LDLRAD3: variants seen among roughly 807,000 people sequenced by gnomAD.
The protein encoded by LDLRAD3 is low density lipoprotein receptor class A domain containing 3, also known as low-density lipoprotein receptor class A domain-containing protein 3.
LDLRAD3 carries 20 observed loss-of-function variants against 29.4 expected under a neutral mutation model. The ratio of observed to expected loss-of-function variants is 0.68; its 90% confidence interval spans 0.48 to 0.99. LDLRAD3 has a LOEUF of 0.99. Ranked by LOEUF, LDLRAD3 falls within the 50% of genes least tolerant of loss-of-function variation. The pLI, the probability that LDLRAD3 is intolerant of heterozygous loss-of-function variation, is 0.00. For synonymous variants in LDLRAD3, 157 were observed against 192.7 expected (o/e 0.81, Z 1.53); for missense variants, 420 against 454.3 (o/e 0.92, Z 0.69).
At chr11:36,209,453 G>C (rs143113780) in intron 4 of LDLRAD3, among the ~76,000 whole-genome samples, 17,695 of 147,640 alleles carry the variant, frequency 0.12, 1,209 homozygotes, top group Admixed American at 0.22. Flanking sequence ...TTCGCCTCCC[G>C]GGTTCAAGCA....
chr11:36,208,530 G>A (rs1005688911), intron 4 of LDLRAD3, among the ~76,000 whole-genome samples: 1 of 152,204 alleles, frequency 6.6e-6, no homozygotes, highest in Non-Finnish European at 1.5e-5. Context: ...TTCCTGAGGA[G>A]AGAGCCTTCC....
intron 4 of LDLRAD3, among the ~76,000 whole-genome samples, chr11:36,143,399 A>C (rs1276554373): frequency 6.6e-6 from 1 of 151,964 alleles, no homozygotes; most frequent in East Asian, 1.9e-4. Flanking sequence ...GGCTTTGACC[A>C]CTCTCTTTCT....
intron 2 of LDLRAD3, among the ~76,000 whole-genome samples, chr11:36,049,225 C>G (rs1450920034): frequency 1.3e-5 from 2 of 152,162 alleles, no homozygotes; most frequent in African/African-American, 4.8e-5. Context: ...AAAAAATTTT[C>G]TCCTGGCACA....
intron 4 of LDLRAD3, among the ~76,000 whole-genome samples, chr11:36,186,422 C>T (rs1854850049): frequency 6.6e-6 from 1 of 152,130 alleles, no homozygotes; most frequent in Admixed American, 6.5e-5. Flanking sequence ...TAACAGCTCC[C>T]ATTTTGAAAG....
chr11:35,955,564 G>T (rs1435772412), intron 1 of LDLRAD3, among the ~76,000 whole-genome samples: 1 of 152,086 alleles, frequency 6.6e-6, no homozygotes, highest in Non-Finnish European at 1.5e-5. Flanking sequence ...ATTATGTAAG[G>T]ACTACTTTTA....
intron 1 of LDLRAD3, among the ~76,000 whole-genome samples, chr11:35,976,784 AAG>A (rs779351610): frequency 6.6e-6 from 1 of 152,118 alleles, no homozygotes; most frequent in Non-Finnish European, 1.5e-5. Context: ...CCATTTTCAA[AAG>A]AGTCTATTTT....
rs929803884 is a variant in LDLRAD3, at chr11:36,110,853, A to G, written c.454+12392A>G. Among the ~76,000 whole-genome samples the G allele has an allele frequency of 2.0e-5, 3 of 152,312 alleles. No individual in the cohort carries two copies. The East Asian group carries it at 5.8e-4, about 29-fold the overall frequency. ...GAGCTTGAGGCTGGCAAGGAGTGAC[A>G]GTTTTTCCTAGGGGGATATGGCAAG... On this transcript the variant is annotated intron_variant, in intron 4 of 5. Coordinates refer to ENST00000315571, the MANE Select transcript of LDLRAD3 (RefSeq NM_174902.4).
chr11:35,977,870 C>A (rs1851494787), intron 1 of LDLRAD3, among the ~76,000 whole-genome samples: 1 of 152,162 alleles, frequency 6.6e-6, no homozygotes, highest in South Asian at 2.1e-4. Context: ...CTGAAGGCCC[C>A]ATCTCTTAAC....
intron 1 of LDLRAD3, among the ~76,000 whole-genome samples, chr11:35,969,515 G>A (rs7102966): frequency 0.34 from 51,631 of 152,158 alleles, 9,316 homozygotes; most frequent in East Asian, 0.55. Flanking sequence ...GGTTTCCACC[G>A]AGCAGAGAAT....
intron 4 of LDLRAD3, among the ~76,000 whole-genome samples, chr11:36,108,857 C>G (rs541113215): frequency 9.9e-5 from 15 of 152,166 alleles, no homozygotes; most frequent in Non-Finnish European, 2.1e-4. Context: ...CAGTATAGAA[C>G]TGGGTTCAAT....
intron 1 of LDLRAD3, among the ~76,000 whole-genome samples, chr11:35,988,515 G>A (rs1262635210): frequency 1.3e-5 from 2 of 152,136 alleles, no homozygotes; most frequent in Non-Finnish European, 2.9e-5. Flanking sequence ...CATTCTATAG[G>A]TTGTTTACTC....
chr11:36,214,292 G>A (rs961602756), intron 4 of LDLRAD3, among the ~76,000 whole-genome samples: 6 of 152,128 alleles, frequency 3.9e-5, no homozygotes, highest in Non-Finnish European at 7.3e-5. Context: ...GTGAGTGGGG[G>A]CAGACCCAGG....
intron 1 of LDLRAD3, chr11:35,967,768 T>C: frequency 2.1e-6 from 1 of 469,810 alleles, no homozygotes; most frequent in Non-Finnish European, 4.3e-6. Flanking sequence ...GTTTTGGCTC[T>C]TGGAAGTGAT....
intron 1 of LDLRAD3, among the ~76,000 whole-genome samples, chr11:35,979,032 G>A (rs985343084): frequency 6.6e-6 from 1 of 152,148 alleles, no homozygotes; most frequent in South Asian, 2.1e-4. Context: ...TATTTGAGTT[G>A]TTTTTCTTTC....
rs1281183373 is a variant in LDLRAD3, at chr11:36,059,932, T to A, written c.194-21721T>A. 2.6e-5 allele frequency among the ~76,000 whole-genome samples: 4 copies of A among 152,250 alleles called. 1 individual carries two copies. Among genetic ancestry groups the A allele is most frequent in the African/African-American group, 9.6e-5 (4 of 41,470 alleles). ...GTGATGGGAATAGGAGGGATAGTAA[T>A]AGTTTACACTTATGTAATGGAGACT... On this transcript the variant is annotated intron_variant, in intron 2 of 5. Transcript: ENST00000315571.
intron 4 of LDLRAD3, among the ~76,000 whole-genome samples, chr11:36,188,100 A>C (rs1854880086): frequency 1.3e-5 from 2 of 152,088 alleles, no homozygotes; most frequent in Non-Finnish European, 2.9e-5. Flanking sequence ...CTATTGACCC[A>C]GCATGCTTTC....
chr11:36,111,229 T>C (rs1023791831), intron 4 of LDLRAD3, among the ~76,000 whole-genome samples: 1 of 152,164 alleles, frequency 6.6e-6, no homozygotes, highest in African/African-American at 2.4e-5. Flanking sequence ...CCTTGTGTCT[T>C]ACTGAGCCCT....
intron 1 of LDLRAD3, among the ~76,000 whole-genome samples, chr11:35,973,467 G>GT (rs992826497): frequency 3.8e-4 from 57 of 151,652 alleles, no homozygotes; most frequent in African/African-American, 1.3e-3. Context: ...TGTTTGTTTT[G>GT]TTTTTTTTGA....
intron 2 of LDLRAD3, among the ~76,000 whole-genome samples, chr11:36,080,996 G>T (rs1853104560): frequency 6.6e-6 from 1 of 152,112 alleles, no homozygotes; most frequent in African/African-American, 2.4e-5. Flanking sequence ...GAAAGCAGGG[G>T]TGTTCAGTGT....
Sources: allele counts gnomAD v4.1 joint callset (sites outside exome capture counted in the v4.1 genomes callset), GRCh38; gene constraint gnomAD v4.1.1; transcripts MANE v1.5; gene names NCBI Gene and HGNC (gene_info 2026-07-23, HGNC 2026-07-21).